GOLGB1: variants seen among roughly 807,000 people sequenced by gnomAD.
The protein encoded by GOLGB1 is golgin B1.
GOLGB1 carries 174 observed loss-of-function variants against 336.9 expected under a neutral mutation model. The observed-to-expected ratio is 0.52, with a 90% CI of 0.46 to 0.59. The LOEUF (loss-of-function observed/expected upper bound fraction) is 0.59. Among genes scored for constraint, GOLGB1 ranks in the 20% least tolerant of loss-of-function variants. The pLI is 0.00. For missense variants in GOLGB1, 3,331 were observed against 3,645.3 expected, an observed-to-expected ratio of 0.91 and a Z score of 2.22; for synonymous variants, 1,208 against 1,289.2, an observed-to-expected ratio of 0.94 and a Z score of 1.35.
intron 14 of GOLGB1, among the ~76,000 whole-genome samples, chr3:121,688,252 A>T (rs920019906): frequency 2.6e-4 from 39 of 152,162 alleles, no homozygotes; most frequent in South Asian, 4.2e-4. Flanking sequence ...GCTGGACTGT[A>T]CTGCTGCCAT....
chr3:121,695,405 T>G lies in GOLGB1; in HGVS notation c.5118A>C (p.Ala1706=). 1 of 1,614,120 alleles carries G rather than the reference T, an allele frequency of 6.2e-7. No homozygotes were observed. The highest frequency in any genetic ancestry group is 8.5e-7 in the Non-Finnish European group (1 of 1,179,970). Residue 1706 remains alanine (A), a synonymous_variant, in exon 13 of 22, where the codon GCA becomes GCC. Coordinates refer to ENST00000614479, the MANE Select transcript of GOLGB1 (RefSeq NM_001366282.2). ...CTGTATCTCCTGCAGGGTGCACCTC[T>G]GCCCTAAGCCGGTCATTCTCTTCTT... The part of the protein sequence containing the change: ...ELEEENDRLR[A]EVHPAGDTAK...
chr3:121,664,513 G>T lies in GOLGB1; in HGVS notation c.9762C>A (p.Val3254=). 1.9e-6 allele frequency: 3 copies of T among 1,613,642 alleles called. No homozygotes were observed. Among genetic ancestry groups the T allele is most frequent in the Non-Finnish European group, 2.5e-6 (3 of 1,179,572 alleles). Residue 3254 remains valine, a synonymous_variant, in exon 22 of 22, where the codon GTC becomes GTA. Coordinates refer to ENST00000614479, the MANE Select transcript of GOLGB1 (RefSeq NM_001366282.2). ...GGCCCGTAAAACACAGAATGAGCAG[G>T]ACATGAATCATTAGAAAGTAGATGG... ...LAAIYFLMIH[V]LLILCFTGHL
Position 121,715,034 on chromosome 3 carries a change from T to C in GOLGB1, c.1289-58A>G, listed in dbSNP as rs929317751. The C allele has an allele frequency of 3.3e-6, 3 of 917,394 alleles. No individual in the cohort carries two copies. In the African/African-American group the frequency reaches 4.9e-5, roughly 15 times the overall value. 56.8% of individuals were successfully genotyped at this position (917,394 alleles called of 1,614,324 possible). ...TGCTTCAAGTCTGAAATGTAGTTAT[T>C]ATTATCTTCTAAAGATACACTGTAT... On this transcript the variant is annotated intron_variant, in intron 9 of 21. Transcript: ENST00000614479.
At chr3:121,747,220 G>A (rs1180870587) in intron 1 of GOLGB1, among the ~76,000 whole-genome samples, 3 of 122,618 alleles carry the variant, frequency 2.4e-5, no homozygotes, top group African/African-American at 6.3e-5. Context: ...AACATGTTAT[G>A]TATGGATGTT....
chr3:121,690,503 T>G (rs560636675), intron 14 of GOLGB1, among the ~76,000 whole-genome samples, 167 bp downstream of exon 14: 1 of 152,356 alleles, frequency 6.6e-6, no homozygotes, highest in African/African-American at 2.4e-5. Flanking sequence ...TTAAATCATG[T>G]TTCTGTGCTT....
rs971745268 is a variant in GOLGB1, at chr3:121,733,460, C to T, written c.-2-2487G>A. 2.0e-5 allele frequency among the ~76,000 whole-genome samples: 3 copies of T among 151,962 alleles called. No individual in the cohort carries two copies. The East Asian group carries it at 5.8e-4, about 29-fold the overall frequency. The stretch of plus-strand genomic sequence containing the variant: ...GCTGAATGCTGAAAACTATTGAAAA[C>T]CCGAGGAAGACATAAAAAATCTAAA... On this transcript the variant is annotated intron_variant, in intron 1 of 21. Coordinates refer to ENST00000614479, the MANE Select transcript of GOLGB1 (RefSeq NM_001366282.2).
intron 5 of GOLGB1, among the ~76,000 whole-genome samples, chr3:121,723,913 G>A (rs1945366121): frequency 6.6e-6 from 1 of 152,064 alleles, no homozygotes; most frequent in African/African-American, 2.4e-5. Context: ...TCCCATTTAA[G>A]TTACTATTAA....
At chr3:121,727,856 A>C (rs1377753030) in intron 4 of GOLGB1, among the ~76,000 whole-genome samples, 1 of 152,210 alleles carries the variant, frequency 6.6e-6, no homozygotes, top group Admixed American at 6.5e-5. Flanking sequence ...TACTTTCCAC[A>C]GAATACCTAG....
intron 10 of GOLGB1, among the ~76,000 whole-genome samples, chr3:121,706,365 GT>G (rs911862829): frequency 2.0e-5 from 3 of 151,882 alleles, no homozygotes; most frequent in African/African-American, 4.8e-5. Context: ...TATAATTCAA[GT>G]GCTCAAAAAC....
At chr3:121,711,294 TAA>T (rs1488453755) in intron 10 of GOLGB1, among the ~76,000 whole-genome samples, 5 of 151,564 alleles carry the variant, frequency 3.3e-5, no homozygotes, top group Admixed American at 2.0e-4. Flanking sequence ...AAAAAAAAAT[TAA>T]GAGAAAGTTT....
chr3:121,705,101 T>C (rs762876454), intron 10 of GOLGB1, among the ~76,000 whole-genome samples: 3 of 152,126 alleles, frequency 2.0e-5, no homozygotes, highest in African/African-American at 4.8e-5. Context: ...AATATTAAAA[T>C]TGTGTGCTGA....
At chr3:121,715,351 C>T (rs955580282) in intron 9 of GOLGB1, among the ~76,000 whole-genome samples, 2 of 150,140 alleles carry the variant, frequency 1.3e-5, no homozygotes, top group Non-Finnish European at 3.0e-5. Context: ...TACAGGCATG[C>T]GTCACCATGC....
At position 121,729,963 on chromosome 3, in the gene GOLGB1, G is replaced by A; in HGVS notation, c.151C>T (p.Gln51Ter). The A allele has an allele frequency of 6.2e-7, 1 of 1,609,544 alleles. No homozygotes were observed. The highest frequency in any genetic ancestry group is 8.5e-7 in the Non-Finnish European group (1 of 1,175,924). Residue 51 changes from glutamine to a stop codon, truncating the protein, a stop_gained, in exon 3 of 22, where the codon CAG (glutamine) becomes TAG (stop). Coordinates refer to ENST00000614479, the MANE Select transcript of GOLGB1 (RefSeq NM_001366282.2). LOFTEE classifies it high-confidence loss of function. ...EFNNTTQEDV[Q>*]ERLAYAEQLV... ...TGCTCTGCATAAGCCAGGCGCTCCT[G>A]AACATCTTCTTGTGTAGTATTATTA... is the stretch of plus-strand genomic sequence containing the variant.
chr3:121,669,153 C>T (rs1939128398), intron 18 of GOLGB1, 59 bp downstream of exon 18: 2 of 1,546,802 alleles, frequency 1.3e-6, no homozygotes, highest in Admixed American at 1.7e-5. Context: ...TGTAGTGCTT[C>T]ACCACTTGCA....
At chr3:121,684,127 C>CAAAAAAAAAAAAAAAAAAAA (rs61510295) in intron 14 of GOLGB1, among the ~76,000 whole-genome samples, 2 of 10,910 alleles carry the variant, frequency 1.8e-4, no homozygotes, top group Non-Finnish European at 3.7e-4. Flanking sequence ...GACGCCGTCT[C>CAAAAAAAAAAAAAAAAAAAA]AAAAAAAAAA....
chr3:121,690,160 C>T (rs866214449), intron 14 of GOLGB1, among the ~76,000 whole-genome samples: 1 of 152,176 alleles, frequency 6.6e-6, no homozygotes, highest in Non-Finnish European at 1.5e-5. Context: ...ACTCTTTTTA[C>T]GTCACTTTTT....
intron 5 of GOLGB1, among the ~76,000 whole-genome samples, chr3:121,725,053 G>A (rs1222412971): frequency 2.0e-5 from 3 of 152,172 alleles, no homozygotes; most frequent in Non-Finnish European, 4.4e-5. Flanking sequence ...GTCATCAATA[G>A]CCAGGGGGCT....
At chr3:121,738,544 G>C (rs2108367981) in intron 1 of GOLGB1, among the ~76,000 whole-genome samples, 2 of 152,286 alleles carry the variant, frequency 1.3e-5, no homozygotes, top group South Asian at 4.1e-4. Flanking sequence ...GACCTCAAAA[G>C]AGCCAGTGGG....
Position 121,694,372 on chromosome 3 carries a change from C to T in GOLGB1, c.6151G>A (p.Glu2051Lys). The T allele has an allele frequency of 6.2e-7, 1 of 1,613,448 alleles. No individual in the cohort carries two copies. Among genetic ancestry groups the T allele is most frequent in the Non-Finnish European group, 8.5e-7 (1 of 1,179,882 alleles). Residue 2051 changes from glutamate to lysine, a missense_variant, in exon 13 of 22, where the codon GAA (glutamate) becomes AAA (lysine). Physicochemically the swap from Glu to Lys is moderately conservative, Grantham distance 56. Transcript: ENST00000614479. ...TTTTGAGATTCAGTTTGAACAAATT[C>T]TAGAGCTTTAACAGTTCTCTCCAGA... is the stretch of plus-strand genomic sequence containing the variant. ...SALERTVKAL[E>K]FVQTESQKDL...
Sources: allele counts gnomAD v4.1 joint callset (sites outside exome capture counted in the v4.1 genomes callset), GRCh38; gene constraint gnomAD v4.1.1; transcripts MANE v1.5; gene names NCBI Gene and HGNC (gene_info 2026-07-23, HGNC 2026-07-21).